Variants in PDE11A observed in about 807,000 individuals in gnomAD.
The protein encoded by PDE11A is dual 3',5'-cyclic-AMP and -GMP phosphodiesterase 11A.
PDE11A carries 100 observed loss-of-function variants against 100.5 expected under a neutral mutation model. That is an observed-to-expected ratio of 1.00 (90% CI 0.85 to 1.18). The LOEUF (loss-of-function observed/expected upper bound fraction) is 1.18. Among genes scored for constraint, PDE11A ranks in the 50% most tolerant of loss-of-function variants. PDE11A has a pLI of 0.00. For synonymous variants in PDE11A, 381 were observed against 420.8 expected, an observed-to-expected ratio of 0.91 and a Z score of 1.16; for missense variants, 1,141 against 1,152.6, an observed-to-expected ratio of 0.99 and a Z score of 0.15.
At position 177,663,880 on chromosome 2, in the gene PDE11A, T is replaced by C. The variant is rs74357545; in HGVS notation, c.2632A>G (p.Met878Val). ...LQLEWIDSIC[M>V]PLYQALVKVN... ...AATCAAAGTACCTGATACAAAGGCA[T>C]GCAGATGCTATCAATCCACTCCAGT... Residue 878 changes from methionine (M) to valine (V), a missense_variant, in exon 19 of 20, where the codon ATG (methionine) becomes GTG (valine). Physicochemically the swap from Met to Val is conservative, Grantham distance 21. Transcript: ENST00000286063. 0.011 allele frequency: 16,782 copies of C among 1,589,640 alleles called. 139 individuals carry two copies. Among genetic ancestry groups the C allele is most frequent in the Non-Finnish European group, 0.013 (15,248 of 1,157,606 alleles).
intron 10 of PDE11A, among the ~76,000 whole-genome samples, chr2:177,766,565 A>G (rs1416803111): frequency 3.3e-5 from 5 of 152,234 alleles, no homozygotes; most frequent in African/African-American, 1.2e-4. Context: ...ATTGGTCAAA[A>G]CAAAGCATGT....
chr2:178,071,593 C>A lies in PDE11A; in HGVS notation c.845G>T (p.Trp282Leu). Residue 282 changes from tryptophan to leucine, a missense_variant, in exon 1 of 20, where the codon TGG becomes TTG. Physicochemically the swap from Trp to Leu is moderately conservative, Grantham distance 61. Coordinates refer to ENST00000286063, the MANE Select transcript of PDE11A (RefSeq NM_016953.4). ...GACATAGCCAATGATACCTTTGCCC[C>A]AGGGGACCTGCACCTCATTTGAGTT... ...TENSNEVQVPWGKGIIGYVGE... is the reference protein window; with the variant it reads ...TENSNEVQVPLGKGIIGYVGE... 1 of 1,613,898 alleles carries A rather than the reference C, an allele frequency of 6.2e-7. No homozygotes were observed. Among genetic ancestry groups the A allele is most frequent in the Non-Finnish European group, 8.5e-7 (1 of 1,179,782 alleles).
At chr2:177,969,566 C>T (rs779012712) in intron 2 of PDE11A, among the ~76,000 whole-genome samples, 4 of 152,020 alleles carry the variant, frequency 2.6e-5, no homozygotes, top group Non-Finnish European at 5.9e-5. Flanking sequence ...GAGATGTGCC[C>T]TGTAATATAT....
intron 2 of PDE11A, among the ~76,000 whole-genome samples, chr2:177,954,510 C>T (rs574890002): frequency 1.3e-5 from 2 of 152,286 alleles, no homozygotes; most frequent in African/African-American, 4.8e-5. Context: ...CAGATTTGGA[C>T]AGCTTCTTTG....
intron 10 of PDE11A, among the ~76,000 whole-genome samples, chr2:177,747,263 A>G (rs1270342218): frequency 6.6e-6 from 1 of 152,248 alleles, no homozygotes; most frequent in Non-Finnish European, 1.5e-5. Context: ...CCTGAAATAC[A>G]GCCAGCGTTC....
chr2:177,909,660 C>T (rs966330524), intron 2 of PDE11A, among the ~76,000 whole-genome samples: 3 of 152,078 alleles, frequency 2.0e-5, no homozygotes, highest in African/African-American at 7.2e-5. Flanking sequence ...TTAGATTTAC[C>T]CACATGTGTA....
intron 1 of PDE11A, among the ~76,000 whole-genome samples, chr2:178,058,434 A>C (rs2086926248): frequency 6.6e-6 from 1 of 152,132 alleles, no homozygotes; most frequent in Non-Finnish European, 1.5e-5. Context: ...GGTTTTAAAA[A>C]TGGGAGTTTC....
intron 15 of PDE11A, among the ~76,000 whole-genome samples, chr2:177,685,113 TACA>T (rs1311208050): frequency 6.6e-6 from 1 of 152,216 alleles, no homozygotes; most frequent in Non-Finnish European, 1.5e-5. Flanking sequence ...CCTTAATACC[TACA>T]ACAATGCCTG....
chr2:177,955,160 A>G (rs2085546786), intron 2 of PDE11A, among the ~76,000 whole-genome samples: 1 of 152,212 alleles, frequency 6.6e-6, no homozygotes, highest in Non-Finnish European at 1.5e-5. Context: ...CCGGGTAGGA[A>G]TAATAATTCT....
intron 8 of PDE11A, among the ~76,000 whole-genome samples, chr2:177,817,607 G>C (rs900904303): frequency 6.6e-6 from 1 of 151,964 alleles, no homozygotes. Flanking sequence ...AGCACTTTGG[G>C]GAAAAGAGAG....
chr2:177,816,234 G>A (rs2083036946), intron 9 of PDE11A, among the ~76,000 whole-genome samples: 1 of 151,924 alleles, frequency 6.6e-6, no homozygotes, highest in Non-Finnish European at 1.5e-5. Context: ...CAACTACAGA[G>A]CAGAAGCTAG....
chr2:177,956,141 A>C (rs1410548396), intron 2 of PDE11A, among the ~76,000 whole-genome samples: 3 of 152,104 alleles, frequency 2.0e-5, no homozygotes, highest in African/African-American at 7.2e-5. Context: ...AATGGGAGAA[A>C]ATTTTCGCAA....
intron 19 of PDE11A, among the ~76,000 whole-genome samples, chr2:177,645,519 TG>T (rs1409992842): frequency 6.6e-6 from 1 of 152,242 alleles, no homozygotes; most frequent in African/African-American, 2.4e-5. Flanking sequence ...CTGATGGCTA[TG>T]GAACTGCCAT....
intron 2 of PDE11A, chr2:177,997,422 T>A: frequency 1.2e-6 from 1 of 827,090 alleles, no homozygotes. Flanking sequence ...ATCTCAACCT[T>A]TTATACAGGT....
At chr2:177,939,529 GAGGAAGGAAGGAAGGA>G (rs72249265) in intron 2 of PDE11A, among the ~76,000 whole-genome samples, 111 of 100,798 alleles carry the variant, frequency 1.1e-3, no homozygotes, top group Non-Finnish European at 1.4e-3. Context: ...GGGAGGGAGG[GAGGAAGGAAGGAAGGA>G]AGGAAGGAAG....
chr2:178,075,551 C>CAAAAA (rs397756518), upstream of PDE11A, among the ~76,000 whole-genome samples: 15 of 47,822 alleles, frequency 3.1e-4, 1 homozygote, highest in African/African-American at 6.9e-4. Flanking sequence ...GACTCTGTCT[C>CAAAAA]AAAAAAAAAA....
chr2:177,879,790 T>C (rs1445912850), intron 4 of PDE11A, among the ~76,000 whole-genome samples: 3 of 152,186 alleles, frequency 2.0e-5, no homozygotes, highest in Admixed American at 2.0e-4. Flanking sequence ...GGATAAGATA[T>C]ATACATCTCT....
chr2:177,685,079 G>T (rs139312116), intron 15 of PDE11A, among the ~76,000 whole-genome samples: 16 of 152,190 alleles, frequency 1.1e-4, no homozygotes, highest in African/African-American at 3.6e-4. Context: ...ACAAAGGCTT[G>T]GCCCACTTTT....
chr2:177,716,394 C>T (rs1287850688), intron 12 of PDE11A, among the ~76,000 whole-genome samples: 1 of 152,184 alleles, frequency 6.6e-6, no homozygotes, highest in Non-Finnish European at 1.5e-5. Flanking sequence ...CCTTCCTCCA[C>T]ACCCTCACCT....
Sources: gnomAD v4.1 joint callset for allele counts (sites outside exome capture counted in the v4.1 genomes callset) on GRCh38, gnomAD v4.1.1 for gene constraint, MANE v1.5 for transcripts, NCBI Gene and HGNC (gene_info 2026-07-23, HGNC 2026-07-21) for gene names.